SLC13A4: variants seen among roughly 807,000 people sequenced by gnomAD.
SLC13A4 encodes solute carrier family 13 member 4, also known as Na(+)/sulfate cotransporter SUT-1.
In SLC13A4, 28 loss-of-function variants were observed where a neutral mutation model predicts 72.7. That is an observed-to-expected ratio of 0.39 (90% CI 0.29 to 0.53). The LOEUF (loss-of-function observed/expected upper bound fraction) is 0.53. SLC13A4 is among the 20% of genes least tolerant of loss of function. The probability of loss-of-function intolerance (pLI) is 0.78; values close to 1 mark genes in which losing one functional copy is unlikely to be tolerated. For synonymous variants in SLC13A4, 312 were observed against 325.5 expected (o/e 0.96, Z 0.45); for missense variants, 653 against 788.0 (o/e 0.83, Z 2.05).
Position 135,708,228 on chromosome 7 carries a change from T to C in SLC13A4, c.251A>G (p.Asn84Ser). The C allele has an allele frequency of 6.2e-7, 1 of 1,614,136 alleles. No homozygotes were observed. ...GACCCCCACCAGCAGCAGCGTGGTG[T>C]TCTTGAAGTACTCCGCCGCCACCTG... ...SNEVAAEYFK[N>S]TTLLLVGVIC... The change falls in exon 3 of 16, where the codon AAC becomes AGC. Residue 84 changes from asparagine to serine, a missense_variant. Coordinates refer to ENST00000682651, the MANE Select transcript of SLC13A4 (RefSeq NM_001318192.2).
chr7:135,692,730 A>C, intron 10 of SLC13A4: 1 of 275,740 alleles, frequency 3.6e-6, no homozygotes, highest in Non-Finnish European at 6.7e-6. Flanking sequence ...GGCAGCCCCA[A>C]ACACTGTGCT....
At chr7:135,713,332 T>C (rs531687828) in intron 2 of SLC13A4, among the ~76,000 whole-genome samples, 1 of 152,290 alleles carries the variant, frequency 6.6e-6, no homozygotes, top group East Asian at 1.9e-4. Flanking sequence ...GAGGTGTTTC[T>C]GGACTGTGTT....
At position 135,681,496 on chromosome 7, in the gene SLC13A4, T is replaced by A. The variant is rs1795499758; in HGVS notation, c.*67A>T. On this transcript the variant is annotated 3_prime_UTR_variant, in exon 16 of 16. Transcript: ENST00000682651. ...TCCTGGTGGTCCTAGTGGTTTTCTT[T>A]GCCTGTGGTCCAGATACTGCTGGAT... is the stretch of plus-strand genomic sequence containing the variant. 1.9e-6 allele frequency: 3 copies of A among 1,558,852 alleles called. No homozygotes were observed. Among genetic ancestry groups the A allele is most frequent in the Non-Finnish European group, 2.6e-6 (3 of 1,147,962 alleles).
chr7:135,683,406 C>T (rs1462994641), intron 15 of SLC13A4: 15 of 984,732 alleles, frequency 1.5e-5, no homozygotes, highest in African/African-American at 1.8e-5. Flanking sequence ...CAGGGCTGCC[C>T]GAGAACAAAT....
chr7:135,723,927 C>T (rs1796598333), intron 1 of SLC13A4, among the ~76,000 whole-genome samples: 1 of 152,160 alleles, frequency 6.6e-6, no homozygotes. Context: ...AAAAGAGGCT[C>T]CACTTGGAAA....
intron 13 of SLC13A4, among the ~76,000 whole-genome samples, 188 bp from the exon 14 acceptor site, chr7:135,685,871 G>A (rs897317190): frequency 1.3e-5 from 2 of 152,236 alleles, no homozygotes; most frequent in East Asian, 1.9e-4. Flanking sequence ...CAGAAAATTG[G>A]TTTTTATGAT....
chr7:135,715,813 T>C (rs140525485), intron 2 of SLC13A4, among the ~76,000 whole-genome samples: 1 of 152,304 alleles, frequency 6.6e-6, no homozygotes, highest in East Asian at 1.9e-4. Flanking sequence ...GAGGCAGATA[T>C]AATGACGGTA....
chr7:135,706,589 G>A (rs577589964), intron 3 of SLC13A4, among the ~76,000 whole-genome samples: 4 of 152,248 alleles, frequency 2.6e-5, no homozygotes, highest in African/African-American at 9.6e-5. Flanking sequence ...GGGCCACAGG[G>A]TGTAGACTTA....
Position 135,691,336 on chromosome 7 carries a change from G to A in SLC13A4, c.1322-11C>T, listed in dbSNP as rs369155230. 2.7e-5 allele frequency: 43 copies of A among 1,601,128 alleles called. No individual in the cohort carries two copies. The Admixed American group carries it at 7.3e-4, about 27-fold the overall frequency. On this transcript the variant is annotated splice_polypyrimidine_tract_variant and intron_variant, in intron 12 of 15. Transcript: ENST00000682651. ...GCTCCTGGTTCTCTCCTGGATTAGAGAGAGATGTAAAGCCAGATAAACCCT... is the reference window on the plus strand; with the variant it reads ...GCTCCTGGTTCTCTCCTGGATTAGAAAGAGATGTAAAGCCAGATAAACCCT...
At chr7:135,690,375 C>A (rs1325223814) in intron 13 of SLC13A4, among the ~76,000 whole-genome samples, 1 of 152,008 alleles carries the variant, frequency 6.6e-6, no homozygotes, top group African/African-American at 2.4e-5. Context: ...AAGATCTCAT[C>A]CAAAATCCTC....
At chr7:135,708,668 A>C (rs1796225323) in intron 2 of SLC13A4, among the ~76,000 whole-genome samples, 1 of 152,158 alleles carries the variant, frequency 6.6e-6, no homozygotes, top group Non-Finnish European at 1.5e-5. Flanking sequence ...AATATTAGAA[A>C]ATTATTTTCA....
rs1554480018 is a variant in SLC13A4, at chr7:135,719,805, G to GTGTGTGTGTGTA, written c.228+1589_228+1590insTACACACACACA. 4.7e-3 allele frequency among the ~76,000 whole-genome samples: 512 copies of GTGTGTGTGTGTA among 109,012 alleles called. 1 individual carries two copies. Among genetic ancestry groups the GTGTGTGTGTGTA allele is most frequent in the Admixed American group, 8.3e-3 (103 of 12,468 alleles). The allele number at this position is 109,012 out of a possible 152,430, so 71.5% of individuals were successfully genotyped here. Reference sequence around the variant, plus strand: ...CATGTGTGTGTGTGTGTGTGTGTATGTGTGTGTGTGTGTGTGTGTGTGTAT... The same window carrying GTGTGTGTGTGTA: ...CATGTGTGTGTGTGTGTGTGTGTATGTGTGTGTGTGTATGTGTGTGTGTGTGTGTGTGTGTAT... On this transcript the variant is annotated intron_variant, in intron 2 of 15. Coordinates refer to ENST00000682651, the MANE Select transcript of SLC13A4 (RefSeq NM_001318192.2).
intron 5 of SLC13A4, chr7:135,704,891 T>C (rs1397046423): frequency 6.6e-6 from 1 of 152,280 alleles, no homozygotes; most frequent in Non-Finnish European, 1.5e-5. Flanking sequence ...GTTCTCCTTT[T>C]TTACAACAAG....
chr7:135,700,701 G>A (rs1796013602), intron 7 of SLC13A4, among the ~76,000 whole-genome samples: 1 of 152,184 alleles, frequency 6.6e-6, no homozygotes, highest in Non-Finnish European at 1.5e-5. Flanking sequence ...CTAGAGTGCA[G>A]TGGTGCCATC....
At chr7:135,691,745 G>T in intron 11 of SLC13A4, 100 bp from the exon 12 acceptor site, 1 of 767,098 alleles carries the variant, frequency 1.3e-6, no homozygotes, top group Non-Finnish European at 2.2e-6. Context: ...CCTCTTTTTA[G>T]GACTTATCTA....
chr7:135,725,174 G>GA (rs1441416403), intron 1 of SLC13A4, among the ~76,000 whole-genome samples: 1 of 152,210 alleles, frequency 6.6e-6, no homozygotes, highest in African/African-American at 2.4e-5. Context: ...ACAAGTAAAG[G>GA]AAAGAGTTCG....
At position 135,684,050 on chromosome 7, in the gene SLC13A4, A is replaced by G; in HGVS notation, c.1746+74T>C. ...GGACACTGCTACAAAATAAGCTTTG[A>G]AAGAAGGCTGCAGAGCTGTCATCCC... On this transcript the variant is annotated intron_variant, in intron 15 of 15. Transcript: ENST00000682651. The G allele has an allele frequency of 4.1e-6, 6 of 1,469,208 alleles. No homozygotes were observed. In the South Asian group the frequency reaches 7.2e-5, roughly 18 times the overall value. The allele number at this position is 1,469,208 out of a possible 1,614,324, so 91.0% of individuals were successfully genotyped here.
chr7:135,682,184 G>C (rs1795518573), intron 15 of SLC13A4, among the ~76,000 whole-genome samples: 1 of 152,090 alleles, frequency 6.6e-6, no homozygotes, highest in Non-Finnish European at 1.5e-5. Context: ...AGTTCACTTG[G>C]GGAAACGGTT....
chr7:135,726,565 C>T (rs1013009299), intron 1 of SLC13A4, among the ~76,000 whole-genome samples: 1 of 93,820 alleles, frequency 1.1e-5, no homozygotes, highest in Non-Finnish European at 2.3e-5. Flanking sequence ...AGGAAGAGAA[C>T]AGCGGAGGGA....
Sources: allele counts gnomAD v4.1 joint callset (sites outside exome capture counted in the v4.1 genomes callset), GRCh38; gene constraint gnomAD v4.1.1; transcripts MANE v1.5; gene names NCBI Gene and HGNC (gene_info 2026-07-23, HGNC 2026-07-21).